The following DAB1 variants were observed in gnomAD, a reference collection of about 807,000 sequenced individuals.
DAB1 encodes DAB adaptor protein 1, also known as disabled homolog 1.
In DAB1, 15 loss-of-function variants were observed where a neutral mutation model predicts 64.6. The observed-to-expected ratio is 0.23, with a 90% CI of 0.16 to 0.36. DAB1 has a LOEUF of 0.36. Among genes scored for constraint, DAB1 ranks in the 10% least tolerant of loss-of-function variants. The pLI, the probability that DAB1 is intolerant of heterozygous loss-of-function variation, is 1.00. For missense variants in DAB1, 596 were observed against 706.7 expected (o/e 0.84, Z 1.78); for synonymous variants, 235 against 251.9 (o/e 0.93, Z 0.64).
chr1:57,940,193 C>A (rs1311148832), intron 5 of DAB1, among the ~76,000 whole-genome samples: 1 of 152,194 alleles, frequency 6.6e-6, no homozygotes, highest in Admixed American at 6.5e-5. Flanking sequence ...GATACAGGTC[C>A]TCCTAAGCCC....
intron 7 of DAB1, among the ~76,000 whole-genome samples, chr1:57,459,201 T>G (rs891785632): frequency 6.6e-6 from 1 of 152,178 alleles, no homozygotes; most frequent in Non-Finnish European, 1.5e-5. Flanking sequence ...CTCCATGTTT[T>G]TCACTTAATT....
intron 7 of DAB1, among the ~76,000 whole-genome samples, chr1:57,612,121 T>C (rs1172218202): frequency 6.6e-6 from 1 of 152,126 alleles, no homozygotes; most frequent in East Asian, 1.9e-4. Context: ...ACCCATCTCT[T>C]ACCTAAAATA....
chr1:58,207,120 G>C (rs994065362), intron 4 of DAB1, among the ~76,000 whole-genome samples: 5 of 152,168 alleles, frequency 3.3e-5, no homozygotes, highest in Admixed American at 3.3e-4. Flanking sequence ...AGAAAACTCA[G>C]CTGACTTGCC....
At chr1:58,172,855 A>C (rs1056530632) in intron 4 of DAB1, among the ~76,000 whole-genome samples, 11 of 152,272 alleles carry the variant, frequency 7.2e-5, no homozygotes, top group Non-Finnish European at 1.6e-4. Context: ...ATGTATATAC[A>C]GATAGCAAGT....
rs1475328246 is a variant in DAB1 at position 57,553,386 on chromosome 1, GAAAGAAAGAAAGAA to G, written n.625+96192_625+96205del. Among the ~76,000 whole-genome samples the G allele has an allele frequency of 3.2e-3, 47 of 14,586 alleles. 10 individuals carry two copies. Among genetic ancestry groups the G allele is most frequent in the East Asian group, 5.0e-3 (2 of 400 alleles). The allele number at this position is 14,586 out of a possible 152,430, so 9.6% of individuals were successfully genotyped here. ...AAGAGAAGGAAGGAAGGAAGAAAGAGAAAGAAAGAAAGAAAGAAAGAAAGAAAGAAAGAAAGAAA... is the reference window on the plus strand; with the variant it reads ...AAGAGAAGGAAGGAAGGAAGAAAGAGAGAAAGAAAGAAAGAAAGAAAGAAA... On this transcript the variant is annotated intron_variant and non_coding_transcript_variant, in intron 7 of 20. Transcript: ENST00000485760.
At chr1:58,509,156 G>T (rs1282251323) in intron 2 of DAB1, among the ~76,000 whole-genome samples, 2 of 150,464 alleles carry the variant, frequency 1.3e-5, no homozygotes, top group Non-Finnish European at 3.0e-5. Flanking sequence ...CAATAAGAGT[G>T]AAAAAAATAA....
At chr1:58,382,992 C>T (rs1201006318) in intron 3 of DAB1, among the ~76,000 whole-genome samples, 1 of 152,146 alleles carries the variant, frequency 6.6e-6, no homozygotes, top group Non-Finnish European at 1.5e-5. Flanking sequence ...AGACTTTGTG[C>T]TAATGTGTAA....
chr1:57,277,922 C>T (rs1048011647), intron 2 of DAB1, among the ~76,000 whole-genome samples: 1 of 152,154 alleles, frequency 6.6e-6, no homozygotes, highest in Non-Finnish European at 1.5e-5. Context: ...AATGCAAGTT[C>T]TCCCTACAGC....
At chr1:58,117,314 G>A (rs1261421807) in intron 5 of DAB1, among the ~76,000 whole-genome samples, 2 of 152,180 alleles carry the variant, frequency 1.3e-5, no homozygotes, top group Admixed American at 6.5e-5. Flanking sequence ...TTGTTCTTCA[G>A]GACAATATGT....
At chr1:57,623,242 G>T (rs898841426) in intron 7 of DAB1, among the ~76,000 whole-genome samples, 6 of 152,082 alleles carry the variant, frequency 3.9e-5, no homozygotes, top group African/African-American at 7.2e-5. Context: ...ATCTTCCCAC[G>T]GAAGGAGTGG....
At chr1:57,128,008 A>C (rs1657293879) in intron 4 of DAB1, among the ~76,000 whole-genome samples, 1 of 151,948 alleles carries the variant, frequency 6.6e-6, no homozygotes, top group Admixed American at 6.6e-5. Context: ...ATTAGCCGGC[A>C]TGGTGGGATG....
At chr1:57,798,538 T>A (rs1436584639) in intron 6 of DAB1, among the ~76,000 whole-genome samples, 1 of 152,242 alleles carries the variant, frequency 6.6e-6, no homozygotes, top group Non-Finnish European at 1.5e-5. Flanking sequence ...TGAATTAGTC[T>A]TGTTAAAGGA....
chr1:57,025,976 C>A lies in DAB1; in HGVS notation c.786+5G>T, dbSNP rs201959517. On this transcript the variant is annotated splice_donor_5th_base_variant and intron_variant, in intron 10 of 14. Transcript: ENST00000371236. ...AGCAGGGTTCAGAGAGCAATGCATA[C>A]TTACGGGGGGAGAGGTTATATCAGG... 1 of 1,574,870 alleles carries A rather than the reference C, an allele frequency of 6.3e-7. No individual in the cohort carries two copies. The highest frequency in any genetic ancestry group is 1.4e-5 in the African/African-American group (1 of 72,400).
In DAB1 at chr1:57,908,151, A is replaced by T. The variant is rs544744983; in HGVS notation, n.388-23989T>A. ...ACTATTTTCTCCTTCTTTTAACAGA[A>T]TTGCTCCCAAAAAACAGATTTATTG... On this transcript the variant is annotated intron_variant and non_coding_transcript_variant, in intron 5 of 20. Transcript: ENST00000485760. Among the ~76,000 whole-genome samples, 15 of 152,120 alleles carry T rather than the reference A, an allele frequency of 9.9e-5. No homozygotes were observed. The East Asian group carries it at 1.4e-3, about 14-fold the overall frequency.
chr1:57,620,548 T>G (rs1307043629), intron 7 of DAB1, among the ~76,000 whole-genome samples: 1 of 152,204 alleles, frequency 6.6e-6, no homozygotes, highest in Non-Finnish European at 1.5e-5. Context: ...CAGATACAAC[T>G]ATCAGCAAAA....
intron 6 of DAB1, among the ~76,000 whole-genome samples, chr1:57,671,650 T>G (rs145440120): frequency 6.6e-6 from 1 of 152,102 alleles, no homozygotes; most frequent in Non-Finnish European, 1.5e-5. Flanking sequence ...ATAAGGCCTA[T>G]GCACCTTTGC....
chr1:58,159,736 A>G (rs1028026014), intron 4 of DAB1, among the ~76,000 whole-genome samples: 1 of 152,124 alleles, frequency 6.6e-6, no homozygotes, highest in Non-Finnish European at 1.5e-5. Context: ...GATTATTAGA[A>G]CCCTGATTCT....
intron 1 of DAB1, among the ~76,000 whole-genome samples, chr1:57,399,307 C>G (rs1420945633): frequency 6.6e-6 from 1 of 152,158 alleles, no homozygotes; most frequent in Non-Finnish European, 1.5e-5. Flanking sequence ...AAGCATATAG[C>G]AGGTGCTTAA....
At chr1:57,639,396 T>C (rs1646100934) in intron 7 of DAB1, among the ~76,000 whole-genome samples, 1 of 148,300 alleles carries the variant, frequency 6.7e-6, no homozygotes, top group African/African-American at 2.6e-5. Context: ...ATAAAGTTCT[T>C]TATAAATAAC....
Sources: allele counts gnomAD v4.1 joint callset (sites outside exome capture counted in the v4.1 genomes callset), GRCh38; gene constraint gnomAD v4.1.1; transcripts MANE v1.5; gene names NCBI Gene and HGNC (gene_info 2026-07-23, HGNC 2026-07-21).